LTV1: variants seen among roughly 807,000 people sequenced by gnomAD.
LTV1 encodes the protein protein LTV1 homolog.
LTV1 carries 39 observed loss-of-function variants against 59.9 expected under a neutral mutation model. The observed-to-expected ratio is 0.65, with a 90% CI of 0.50 to 0.85. LTV1 has a LOEUF of 0.85. Ranked by LOEUF, LTV1 falls within the 40% of genes least tolerant of loss-of-function variation. LTV1 has a pLI of 0.00. For synonymous variants in LTV1, 171 were observed against 189.5 expected (o/e 0.90, Z 0.80); for missense variants, 493 against 549.1 (o/e 0.90, Z 1.02).
intron 6 of LTV1, chr6:143,858,245 G>A (rs774813716): frequency 2.2e-6 from 1 of 451,410 alleles, no homozygotes; most frequent in Non-Finnish European, 4.1e-6. Context: ...AGAGTAATTG[G>A]TTAGGAGGAT....
At position 143,858,015 on chromosome 6, in the gene LTV1, C is replaced by T. The variant is rs745672717; in HGVS notation, c.795+8C>T. 6.2e-7 allele frequency: 1 copy of T among 1,613,640 alleles called. No homozygotes were observed. The highest frequency in any genetic ancestry group is 8.5e-7 in the Non-Finnish European group (1 of 1,179,870). On this transcript the variant is annotated splice_region_variant and intron_variant, in intron 6 of 10. Transcript: ENST00000367576. The stretch of plus-strand genomic sequence containing the variant: ...GATGAGAGGTTTGAGAAGGTAAGGT[C>T]CCCACATAAGGGATGCTTTAGTACT...
rs368382815 is a variant in LTV1, at chr6:143,862,213, A to C, written c.1033A>C (p.Lys345Gln). 1.6e-5 allele frequency: 26 copies of C among 1,613,408 alleles called. No individual in the cohort carries two copies. The South Asian group carries it at 2.9e-4, about 18-fold the overall frequency. The change falls in exon 8 of 11, where the codon AAA (lysine) becomes CAA (glutamine). Residue 345 changes from lysine to glutamine, a missense_variant. Physicochemically the swap from Lys to Gln is moderately conservative, Grantham distance 53. Coordinates refer to ENST00000367576, the MANE Select transcript of LTV1 (RefSeq NM_032860.5). This position sits in a 1 kb window ranked among gnomAD's most constrained non-coding sequence, Gnocchi z 4.2. ...EMITVVLEEA[K>Q]EKWDCESICS... ...GATTACTGTAGTCCTTGAAGAAGCC[A>C]AAGAGAAGTGGGATTGTGAATCTAT...
Position 143,847,873 on chromosome 6 carries a change from C to T in LTV1, c.309+1649C>T, listed in dbSNP as rs550543302. On this transcript the variant is annotated intron_variant, in intron 3 of 10. Coordinates refer to ENST00000367576, the MANE Select transcript of LTV1 (RefSeq NM_032860.5). Reference sequence around the variant, plus strand: ...ACTTTTTTTACTTTAATTTGTAACACACCACCAAATTCGAGTAGATTAGAA... The same window carrying T: ...ACTTTTTTTACTTTAATTTGTAACATACCACCAAATTCGAGTAGATTAGAA... Among the ~76,000 whole-genome samples the T allele has an allele frequency of 4.6e-5, 7 of 152,262 alleles. No homozygotes were observed. In the South Asian group the frequency reaches 1.2e-3, roughly 27 times the overall value.
intron 7 of LTV1, 47 bp downstream of exon 7, chr6:143,860,600 A>C: frequency 2.0e-6 from 3 of 1,538,202 alleles, no homozygotes; most frequent in Non-Finnish European, 2.6e-6. Flanking sequence ...TTTTTTAAAA[A>C]AGAAAAAATT....
intron 6 of LTV1, among the ~76,000 whole-genome samples, chr6:143,859,566 C>T (rs1313276469): frequency 6.6e-6 from 1 of 152,164 alleles, no homozygotes; most frequent in Non-Finnish European, 1.5e-5. Flanking sequence ...AAAATAAAGG[C>T]TGTTACCTTG....
chr6:143,860,377 A>C (rs1554235346), intron 6 of LTV1, 49 bp from the exon 7 acceptor site: 4 of 1,583,240 alleles, frequency 2.5e-6, no homozygotes, highest in Admixed American at 1.7e-5. Context: ...GTGTAGTCTT[A>C]CTGAGTACAT....
At chr6:143,846,696 C>T (rs763586945) in intron 3 of LTV1, among the ~76,000 whole-genome samples, 3 of 152,168 alleles carry the variant, frequency 2.0e-5, no homozygotes, top group Non-Finnish European at 4.4e-5. Flanking sequence ...GTTCGGTCCA[C>T]TTTAATACCT....
chr6:143,846,236 C>T lies in LTV1; in HGVS notation c.309+12C>T. 3.1e-6 allele frequency: 5 copies of T among 1,603,174 alleles called. No individual in the cohort carries two copies. The highest frequency in any genetic ancestry group is 1.1e-5 in the South Asian group (1 of 89,164). On this transcript the variant is annotated intron_variant, in intron 3 of 10. Coordinates refer to ENST00000367576, the MANE Select transcript of LTV1 (RefSeq NM_032860.5). ...CGCTAGTAATTCCAGTAAGGCTTTTCAGCAATTTAATTGTGGGAGTGAGGT... is the reference window on the plus strand; with the variant it reads ...CGCTAGTAATTCCAGTAAGGCTTTTTAGCAATTTAATTGTGGGAGTGAGGT...
At position 143,863,333 on chromosome 6, in the gene LTV1, G is replaced by A. The variant is rs902171378; in HGVS notation, c.1317+47G>A. 4 of 1,596,140 alleles carry A rather than the reference G, an allele frequency of 2.5e-6. No homozygotes were observed. Among genetic ancestry groups the A allele is most frequent in the African/African-American group, 1.3e-5 (1 of 74,152 alleles). On this transcript the variant is annotated intron_variant, in intron 10 of 10. Transcript: ENST00000367576. The surrounding 1 kb of genome is among the most constrained non-coding windows in gnomAD (Gnocchi z 4.5). ...TGAGATTTACAAAGAGCTGGTGGAG[G>A]GGAAATTAGGGGAATTTTGTAAAAG...
At position 143,862,586 on chromosome 6, in the gene LTV1, A is replaced by T. The variant is rs184210452; in HGVS notation, c.1064-258A>T. ...GGGCAACAAGAGCAAAACTCTGTCT[A>T]AAAAAAAACATATATCAACTTTGAA... On this transcript the variant is annotated intron_variant, in intron 8 of 10. Coordinates refer to ENST00000367576, the MANE Select transcript of LTV1 (RefSeq NM_032860.5). The surrounding 1 kb of genome is among the most constrained non-coding windows in gnomAD (Gnocchi z 4.2). 6.6e-6 allele frequency among the ~76,000 whole-genome samples: 1 copy of T among 151,512 alleles called. No individual in the cohort carries two copies. The highest frequency in any genetic ancestry group is 1.9e-4 in the East Asian group (1 of 5,172).
intron 4 of LTV1, among the ~76,000 whole-genome samples, chr6:143,856,350 G>T (rs1252826036): frequency 1.3e-5 from 2 of 151,978 alleles, no homozygotes; most frequent in Non-Finnish European, 2.9e-5. Context: ...TTTTTTCAAG[G>T]TTTTTAGCTT....
intron 6 of LTV1, 107 bp downstream of exon 6, chr6:143,858,114 C>A: frequency 2.0e-6 from 2 of 1,018,752 alleles, no homozygotes; most frequent in South Asian, 3.0e-5. Context: ...ACCACAAAGT[C>A]AATCATAGGA....
chr6:143,843,720 C>T (rs1387594954), intron 1 of LTV1, among the ~76,000 whole-genome samples: 1 of 152,048 alleles, frequency 6.6e-6, no homozygotes, highest in Non-Finnish European at 1.5e-5. Flanking sequence ...TTTGTTTTAT[C>T]CCTGGGAGCC....
chr6:143,853,658 A>G (rs1444587738), intron 4 of LTV1, among the ~76,000 whole-genome samples: 1 of 152,176 alleles, frequency 6.6e-6, no homozygotes, highest in African/African-American at 2.4e-5. Context: ...TACCTAGTTT[A>G]TTGAGAGTTT....
Position 143,862,237 on chromosome 6 carries a change from A to G in LTV1, c.1057A>G (p.Ile353Val), listed in dbSNP as rs781641718. Residue 353 changes from isoleucine to valine, a missense_variant, in exon 8 of 11, where the codon ATT becomes GTT. By Grantham distance (29) the Ile-to-Val change is conservative. Transcript: ENST00000367576. The surrounding 1 kb of genome is among the most constrained non-coding windows in gnomAD (Gnocchi z 4.2). Reference sequence around the variant, plus strand: ...CAAAGAGAAGTGGGATTGTGAATCTATTTGTAGTAAGTATATTCACTTTAT... The same window carrying G: ...CAAAGAGAAGTGGGATTGTGAATCTGTTTGTAGTAAGTATATTCACTTTAT... ...EAKEKWDCESICSTYSNLYNH... is the reference protein window; with the variant it reads ...EAKEKWDCESVCSTYSNLYNH... 10 of 1,612,256 alleles carry G rather than the reference A, an allele frequency of 6.2e-6. 1 individual carries two copies. The highest frequency in any genetic ancestry group is 3.3e-5 in the Admixed American group (2 of 59,940).
At position 143,844,596 on chromosome 6, in the gene LTV1, G is replaced by C; in HGVS notation, c.114G>C (p.Arg38Ser). 1.2e-6 allele frequency: 2 copies of C among 1,613,854 alleles called. No homozygotes were observed. The highest frequency in any genetic ancestry group is 1.7e-6 in the Non-Finnish European group (2 of 1,179,966). The change falls in exon 2 of 11, where the codon AGG becomes AGC. Residue 38 changes from arginine to serine, a missense_variant. By Grantham distance (110) the Arg-to-Ser change is moderately radical. Transcript: ENST00000367576. ...PLAADESAPQ[R>S]VLLPTQKIDN... The stretch of plus-strand genomic sequence containing the variant: ...CAGCAGATGAGAGTGCACCCCAGAG[G>C]GTTCTATTGCCCACACAAAAAGTAG...
In LTV1 at chr6:143,860,179, A is replaced by T. The variant is rs114587771; in HGVS notation, c.796-247A>T. Among the ~76,000 whole-genome samples, 1,102 of 152,342 alleles carry T rather than the reference A, an allele frequency of 7.2e-3. 18 individuals are homozygous for T. Among genetic ancestry groups the T allele is most frequent in the African/African-American group, 0.025 (1,054 of 41,582 alleles). The stretch of plus-strand genomic sequence containing the variant: ...TTTGTTCTCCAAGCTGAGTGGAATA[A>T]TGCCTTTCATTTACATGTTAAATGG... On this transcript the variant is annotated intron_variant, in intron 6 of 10. Coordinates refer to ENST00000367576, the MANE Select transcript of LTV1 (RefSeq NM_032860.5).
chr6:143,851,097 A>T (rs1281713506), intron 4 of LTV1, among the ~76,000 whole-genome samples: 3 of 152,200 alleles, frequency 2.0e-5, no homozygotes, highest in Non-Finnish European at 4.4e-5. Context: ...GAACGTGAAT[A>T]TAGGTAACTA....
chr6:143,857,634 T>C lies in LTV1; in HGVS notation c.540-118T>C. 8.2e-7 allele frequency: 1 copy of C among 1,213,952 alleles called. No individual in the cohort carries two copies. Among genetic ancestry groups the C allele is most frequent in the Non-Finnish European group, 1.2e-6 (1 of 847,436 alleles). The allele number at this position is 1,213,952 out of a possible 1,614,324, so 75.2% of individuals were successfully genotyped here. ...AACCAGATTGATCAAACACCCTCAC[T>C]CTTCCTGCCTAGACAAGAACCCTTC... is the stretch of plus-strand genomic sequence containing the variant. On this transcript the variant is annotated intron_variant, in intron 5 of 10. Transcript: ENST00000367576. The surrounding 1 kb of genome is among the most constrained non-coding windows in gnomAD (Gnocchi z 5.2).
Sources: allele counts gnomAD v4.1 joint callset (sites outside exome capture counted in the v4.1 genomes callset), GRCh38; gene constraint gnomAD v4.1.1; non-coding constraint Gnocchi (gnomAD v3.1); transcripts MANE v1.5; gene names NCBI Gene and HGNC (gene_info 2026-07-23, HGNC 2026-07-21).